Variants in ENOX2 observed in about 807,000 individuals in gnomAD.
ENOX2 encodes the protein APK1 antigen.
A neutral mutation model predicts 45.0 loss-of-function variants in ENOX2; 36 were observed. The ratio of observed to expected loss-of-function variants is 0.80; its 90% CI spans 0.61 to 1.06. The LOEUF is 1.06. Ranked by LOEUF, ENOX2 falls within the 50% of genes least tolerant of loss-of-function variation. The pLI, the probability that ENOX2 is intolerant of heterozygous loss-of-function variation, is 0.00. For synonymous variants in ENOX2, 174 were observed against 152.3 expected, an observed-to-expected ratio of 1.14 and a Z score of -1.05; for missense variants, 423 against 462.5, an observed-to-expected ratio of 0.91 and a Z score of 0.78.
intron 8 of ENOX2, among the ~76,000 whole-genome samples, chrX:130,666,932 G>A (rs1329667561): frequency 8.9e-6 from 1 of 111,833 alleles, no homozygotes; most frequent in African/African-American, 3.3e-5. Flanking sequence ...TATCTGATCT[G>A]GCTCATTTCA....
intron 3 of ENOX2, among the ~76,000 whole-genome samples, chrX:130,733,710 A>G (rs1489733921): frequency 8.9e-6 from 1 of 112,448 alleles, no homozygotes; most frequent in African/African-American, 3.2e-5. Context: ...ATATTGTATG[A>G]TTCCATTTAT....
intron 3 of ENOX2, among the ~76,000 whole-genome samples, chrX:130,745,905 A>C (rs1359396553): frequency 2.7e-5 from 3 of 112,069 alleles, no homozygotes; most frequent in Non-Finnish European, 5.6e-5. Flanking sequence ...AAAGTCCTGC[A>C]TTCAACTGAT....
intron 2 of ENOX2, among the ~76,000 whole-genome samples, chrX:130,881,509 T>G (rs1474298248): frequency 8.9e-6 from 1 of 112,296 alleles, no homozygotes; most frequent in East Asian, 2.8e-4. Context: ...GATTCAGAAA[T>G]CTACATTTTA....
chrX:130,872,244 C>T (rs746005851), intron 2 of ENOX2, among the ~76,000 whole-genome samples: 256 of 112,354 alleles, frequency 2.3e-3, no homozygotes, highest in Non-Finnish European at 3.9e-3. Context: ...GGCAAAAGCA[C>T]GTATTAAGCT....
chrX:130,802,602 A>C (rs1181447002), intron 2 of ENOX2, among the ~76,000 whole-genome samples: 2 of 111,757 alleles, frequency 1.8e-5, no homozygotes, highest in Non-Finnish European at 1.9e-5. Flanking sequence ...CGCTAAAGTG[A>C]CTTGTTTAAA....
At chrX:130,762,232 C>T (rs774170270) in intron 3 of ENOX2, among the ~76,000 whole-genome samples, 5 of 111,969 alleles carry the variant, frequency 4.5e-5, no homozygotes, top group Non-Finnish European at 9.4e-5. Flanking sequence ...TTAGCTGCTT[C>T]CCATAAATTT....
In ENOX2 at chrX:130,631,422, T is replaced by C. The variant is rs777455888; in HGVS notation, c.1528+46A>G. 57 of 727,328 alleles carry C rather than the reference T, an allele frequency of 7.8e-5. 1 individual carries two copies. In the South Asian group the frequency reaches 8.2e-4, roughly 11 times the overall value. 59.9% of individuals were successfully genotyped at this position (727,328 alleles called of 1,213,427 possible). A position where few individuals can be genotyped will look rare whatever the true frequency, so the allele number is the denominator to read the frequency against. On this transcript the variant is annotated intron_variant, in intron 13 of 14. Transcript: ENST00000394363. ...TTAGGTAAAGCCCTCCTCTCCTCCA[T>C]TGTACCCAGGCATTGTACGTGGCAT...
intron 2 of ENOX2, among the ~76,000 whole-genome samples, chrX:130,895,076 G>A (rs1221655429): frequency 1.8e-5 from 2 of 111,734 alleles, no homozygotes; most frequent in African/African-American, 3.3e-5. Context: ...TCACTGGTTT[G>A]AGTGTCTATC....
At chrX:130,804,959 G>A (rs1321558519) in intron 2 of ENOX2, among the ~76,000 whole-genome samples, 1 of 110,905 alleles carries the variant, frequency 9.0e-6, no homozygotes, top group Non-Finnish European at 1.9e-5. Context: ...GTGTTTGAGG[G>A]GTGATTAGGT....
chrX:130,855,252 T>C (rs2078287076), intron 2 of ENOX2, among the ~76,000 whole-genome samples: 1 of 111,840 alleles, frequency 8.9e-6, no homozygotes, highest in African/African-American at 3.2e-5. Context: ...TAGCAATGAA[T>C]ATGTGGACAC....
At chrX:130,743,012 C>T (rs1277541015) in intron 3 of ENOX2, among the ~76,000 whole-genome samples, 5 of 112,138 alleles carry the variant, frequency 4.5e-5, no homozygotes, top group Non-Finnish European at 9.4e-5. Context: ...AGCACTTATA[C>T]TAATAAACTG....
intron 2 of ENOX2, among the ~76,000 whole-genome samples, chrX:130,871,374 C>G (rs1318935144): frequency 9.0e-6 from 1 of 111,468 alleles, no homozygotes; most frequent in Non-Finnish European, 1.9e-5. Flanking sequence ...TCCCAACAGT[C>G]ATTTGTAGTA....
At chrX:130,896,812 T>G (rs193091232) in intron 2 of ENOX2, among the ~76,000 whole-genome samples, 25 of 111,976 alleles carry the variant, frequency 2.2e-4, no homozygotes, top group African/African-American at 8.1e-4. Flanking sequence ...GTATTATCTG[T>G]AAGGAAAATG....
At chrX:130,632,688 T>C (rs972868164) in intron 12 of ENOX2, among the ~76,000 whole-genome samples, 2 of 111,974 alleles carry the variant, frequency 1.8e-5, no homozygotes, top group Non-Finnish European at 3.8e-5. Flanking sequence ...AAAGATGTCT[T>C]CAAAGCTTCC....
chrX:130,647,113 G>A (rs1426870296), intron 10 of ENOX2, among the ~76,000 whole-genome samples: 1 of 112,158 alleles, frequency 8.9e-6, no homozygotes, highest in Non-Finnish European at 1.9e-5. Context: ...GGAGAGCACT[G>A]TTTTAGTAGA....
intron 2 of ENOX2, among the ~76,000 whole-genome samples, chrX:130,802,204 T>C (rs1353287753): frequency 1.8e-5 from 2 of 111,857 alleles, no homozygotes; most frequent in African/African-American, 6.5e-5. Flanking sequence ...GTCAACAAAA[T>C]GATTTGGCTC....
intron 3 of ENOX2, among the ~76,000 whole-genome samples, chrX:130,729,472 CTTG>C (rs758376562): frequency 2.4e-4 from 27 of 111,886 alleles, no homozygotes; most frequent in African/African-American, 4.2e-4. Context: ...TTCCAAAACA[CTTG>C]TTGTTAATTA....
intron 5 of ENOX2, among the ~76,000 whole-genome samples, chrX:130,681,733 C>T (rs1165710045): frequency 2.7e-5 from 3 of 112,049 alleles, no homozygotes; most frequent in Admixed American, 1.9e-4. Flanking sequence ...TTGCATGTGG[C>T]TCAATGCCTA....
intron 3 of ENOX2, among the ~76,000 whole-genome samples, chrX:130,721,119 G>A (rs956806572): frequency 9.0e-6 from 1 of 111,209 alleles, no homozygotes; most frequent in African/African-American, 3.3e-5. Flanking sequence ...GAATACGATC[G>A]TGTCATTTTT....
Sources: allele counts gnomAD v4.1 joint callset (sites outside exome capture counted in the v4.1 genomes callset), GRCh38; gene constraint gnomAD v4.1.1; transcripts MANE v1.5; gene names NCBI Gene and HGNC (gene_info 2026-07-23, HGNC 2026-07-21).